Variants in RFX7 observed in about 807,000 individuals in gnomAD.
RFX7 encodes DNA-binding protein RFX7.
RFX7 carries 26 observed loss-of-function variants against 111.8 expected under a neutral mutation model. That is an observed-to-expected ratio of 0.23 (90% confidence interval 0.17 to 0.32). The LOEUF is 0.32. RFX7 is among the 10% of genes least tolerant of loss of function. The pLI, the probability that RFX7 is intolerant of heterozygous loss-of-function variation, is 1.00. For synonymous variants in RFX7, 624 were observed against 624.4 expected (o/e 1.00, Z 0.01); for missense variants, 1,573 against 1,772.9 (o/e 0.89, Z 2.02).
At chr15:56,155,640 A>C (rs1250282105) in intron 3 of RFX7, among the ~76,000 whole-genome samples, 1 of 152,114 alleles carries the variant, frequency 6.6e-6, no homozygotes, top group Non-Finnish European at 1.5e-5. Context: ...GGGAGGGATA[A>C]CATTAGGAGA....
intron 5 of RFX7, among the ~76,000 whole-genome samples, chr15:56,125,866 A>G (rs771302798): frequency 6.6e-6 from 1 of 152,256 alleles, no homozygotes; most frequent in Admixed American, 6.5e-5. Context: ...TCCAAGTCCA[A>G]TCTTTCTCCC....
chr15:56,225,681 G>A (rs2043475141), intron 2 of RFX7, among the ~76,000 whole-genome samples: 1 of 152,094 alleles, frequency 6.6e-6, no homozygotes. Context: ...CCTGCAACAG[G>A]TTGAAATTTG....
At chr15:56,120,927 CTATTTA>C (rs1183850439) in intron 5 of RFX7, among the ~76,000 whole-genome samples, 5 of 152,042 alleles carry the variant, frequency 3.3e-5, no homozygotes, top group African/African-American at 1.2e-4. Flanking sequence ...GTTGTTGTTT[CTATTTA>C]TATTTTATTG....
At chr15:56,222,010 C>T (rs2043431675) in intron 2 of RFX7, among the ~76,000 whole-genome samples, 1 of 152,132 alleles carries the variant, frequency 6.6e-6, no homozygotes, top group East Asian at 1.9e-4. Flanking sequence ...CATCAGTTTC[C>T]TTGAGACTGA....
At chr15:56,120,635 T>G (rs1171413183) in intron 5 of RFX7, among the ~76,000 whole-genome samples, 1 of 152,204 alleles carries the variant, frequency 6.6e-6, no homozygotes, top group Non-Finnish European at 1.5e-5. Context: ...CTGTCATATA[T>G]GTCTTTTATT....
At position 56,243,566 on chromosome 15, in the gene RFX7, C is replaced by A. The variant is rs1279891022; in HGVS notation, c.-124G>T. On this transcript the variant is annotated 5_prime_UTR_variant, in exon 1 of 10. Transcript: ENST00000559447. ...GGCATGGCGGCGCCCCTCAGCCCCC[C>A]GCTGGCGCCGCCGCCTCCTCCCGTC... The A allele has an allele frequency of 5.3e-6, 5 of 938,974 alleles. No individual in the cohort carries two copies. The highest frequency in any genetic ancestry group is 6.3e-6 in the Non-Finnish European group (5 of 789,838). 58.2% of individuals were successfully genotyped at this position (938,974 alleles called of 1,614,324 possible).
intron 3 of RFX7, among the ~76,000 whole-genome samples, chr15:56,165,879 T>C (rs990775462): frequency 6.6e-6 from 1 of 152,188 alleles, no homozygotes; most frequent in African/African-American, 2.4e-5. Context: ...CAGCCTCTTT[T>C]ATCCCTGGTT....
At chr15:56,097,997 T>C in intron 9 of RFX7, 84 bp downstream of exon 9, 1 of 1,266,502 alleles carries the variant, frequency 7.9e-7, no homozygotes, top group Non-Finnish European at 1.1e-6. Flanking sequence ...CTCTTATACC[T>C]GCCTTCTTTT....
intron 2 of RFX7, among the ~76,000 whole-genome samples, chr15:56,224,869 T>C (rs1344650118): frequency 6.6e-6 from 1 of 152,118 alleles, no homozygotes; most frequent in Non-Finnish European, 1.5e-5. Flanking sequence ...TGGAATTCTG[T>C]TGATAACTGT....
intron 2 of RFX7, among the ~76,000 whole-genome samples, chr15:56,205,435 A>C (rs897491790): frequency 2.0e-5 from 3 of 152,186 alleles, no homozygotes; most frequent in Non-Finnish European, 4.4e-5. Context: ...TTTATCTCAA[A>C]TACTAACCTT....
intron 2 of RFX7, among the ~76,000 whole-genome samples, chr15:56,229,388 C>T (rs2141227797): frequency 6.6e-6 from 1 of 152,266 alleles, no homozygotes; most frequent in African/African-American, 2.4e-5. Flanking sequence ...ACCTCAGCCT[C>T]CCGAGTTGCT....
chr15:56,154,250 C>A (rs913717013), intron 3 of RFX7, among the ~76,000 whole-genome samples: 5 of 152,112 alleles, frequency 3.3e-5, no homozygotes, highest in Non-Finnish European at 7.4e-5. Context: ...CAAGCTACCA[C>A]TGACTTTCTT....
rs2041753738 is a variant in RFX7, at chr15:56,101,566, A to G, written c.604T>C (p.Leu202=). The part of the protein sequence containing the change: ...NLDFHKTGDG[L]EGAEPSGQLQ... The stretch of plus-strand genomic sequence containing the variant: ...TGCCCAGAAGGTTCAGCTCCTTCCA[A>G]CTAGGCAAAGAAAAAAGGAAATGTT... Residue 202 remains leucine, a splice_region_variant and synonymous_variant, in exon 8 of 10, where the codon TTG becomes CTG. Coordinates refer to ENST00000559447, the MANE Select transcript of RFX7 (RefSeq NM_022841.7). The G allele has an allele frequency of 1.9e-6, 3 of 1,612,220 alleles. No individual in the cohort carries two copies. The East Asian group carries it at 6.7e-5, about 36-fold the overall frequency.
chr15:56,137,465 C>T (rs953880438), intron 5 of RFX7, among the ~76,000 whole-genome samples: 1 of 151,950 alleles, frequency 6.6e-6, no homozygotes, highest in Non-Finnish European at 1.5e-5. Context: ...GGTGATATCC[C>T]CTTTATCATT....
At chr15:56,166,955 G>A (rs1387407212) in intron 3 of RFX7, among the ~76,000 whole-genome samples, 1 of 152,060 alleles carries the variant, frequency 6.6e-6, no homozygotes. Flanking sequence ...CTATTCCAAG[G>A]AGCATATTTT....
intron 2 of RFX7, among the ~76,000 whole-genome samples, chr15:56,214,283 A>G (rs924884081): frequency 2.6e-5 from 4 of 152,126 alleles, no homozygotes; most frequent in East Asian, 1.9e-4. Flanking sequence ...TTTTTGAAAA[A>G]TATTTTGATT....
intron 2 of RFX7, among the ~76,000 whole-genome samples, chr15:56,183,264 T>C (rs1467095446): frequency 6.6e-6 from 1 of 152,126 alleles, no homozygotes; most frequent in African/African-American, 2.4e-5. Context: ...TATTTAACTT[T>C]GTTAATAACT....
Position 56,101,637 on chromosome 15 carries a change from A to G in RFX7, c.604-71T>C, listed in dbSNP as rs562437074. 1.2e-5 allele frequency: 15 copies of G among 1,300,524 alleles called. 1 individual carries two copies. In the South Asian group the frequency reaches 1.9e-4, roughly 17 times the overall value. 80.6% of individuals were successfully genotyped at this position (1,300,524 alleles called of 1,614,324 possible). ...AATTAAATTGAAGCATGTTAAAGATATGTATTCTTAATTAGAAGATACAAT... is the reference window on the plus strand; with the variant it reads ...AATTAAATTGAAGCATGTTAAAGATGTGTATTCTTAATTAGAAGATACAAT... On this transcript the variant is annotated intron_variant, in intron 7 of 9. Transcript: ENST00000559447.
intron 5 of RFX7, among the ~76,000 whole-genome samples, chr15:56,108,086 C>G (rs1262487504): frequency 2.6e-5 from 4 of 152,116 alleles, no homozygotes; most frequent in African/African-American, 9.7e-5. Flanking sequence ...CCAAAAAAAG[C>G]CCAGGACCAG....
Sources: gnomAD v4.1 joint callset for allele counts (sites outside exome capture counted in the v4.1 genomes callset) on GRCh38, gnomAD v4.1.1 for gene constraint, MANE v1.5 for transcripts, NCBI Gene and HGNC (gene_info 2026-07-23, HGNC 2026-07-21) for gene names.